The following NELL2 variants were observed in gnomAD, a reference collection of about 807,000 sequenced individuals.
NELL2 encodes neural EGFL like 2.
In NELL2, 41 loss-of-function variants were observed where a neutral mutation model predicts 109.6. The ratio of observed to expected loss-of-function variants is 0.37; its 90% CI spans 0.29 to 0.49. The LOEUF (loss-of-function observed/expected upper bound fraction) is 0.49, where lower values mean the gene tolerates loss of function less well. Ranked by LOEUF, NELL2 falls within the 20% of genes least tolerant of loss-of-function variation. The pLI, the probability that NELL2 is intolerant of heterozygous loss-of-function variation, is 0.98. For missense variants in NELL2, 900 were observed against 1,008.3 expected (o/e 0.89, Z 1.45); for synonymous variants, 355 against 344.7 (o/e 1.03, Z -0.33).
intron 3 of NELL2, among the ~76,000 whole-genome samples, chr12:44,784,106 T>C (rs1942071631): frequency 2.0e-5 from 3 of 152,056 alleles, no homozygotes; most frequent in South Asian, 4.1e-4. Flanking sequence ...TTTGACAAAA[T>C]TCAGCACCAA....
chr12:44,636,675 T>C (rs1272132862), intron 13 of NELL2, among the ~76,000 whole-genome samples: 1 of 152,146 alleles, frequency 6.6e-6, no homozygotes, highest in Non-Finnish European at 1.5e-5. Context: ...TGCTGCTGGA[T>C]TTGTTTTGCC....
chr12:44,517,370 TTTCTCTCTC>T (rs1231655307), intron 19 of NELL2, among the ~76,000 whole-genome samples: 4 of 93,638 alleles, frequency 4.3e-5, no homozygotes, highest in Non-Finnish European at 8.6e-5. Context: ...CACCAACTAC[TTTCTCTCTC>T]TCTCTCTCTC....
At chr12:44,777,673 C>T (rs1428929052) in intron 5 of NELL2, among the ~76,000 whole-genome samples, 3 of 152,092 alleles carry the variant, frequency 2.0e-5, no homozygotes, top group Non-Finnish European at 4.4e-5. Flanking sequence ...CTAGCTTCAG[C>T]AACTCTGAAA....
Position 44,680,789 on chromosome 12 carries a change from T to C in NELL2, c.1319-15180A>G, listed in dbSNP as rs1035548011. On this transcript the variant is annotated intron_variant, in intron 12 of 19. Coordinates refer to ENST00000429094, the MANE Select transcript of NELL2 (RefSeq NM_001145108.2). Reference sequence around the variant, plus strand: ...TCTCTCACATTCATTTAACTTGTACTTACCTGCTTCCCCCAAATCGCAGTT... The same window carrying C: ...TCTCTCACATTCATTTAACTTGTACCTACCTGCTTCCCCCAAATCGCAGTT... Among the ~76,000 whole-genome samples the C allele has an allele frequency of 2.0e-5, 3 of 152,154 alleles. 1 individual carries two copies. Among genetic ancestry groups the C allele is most frequent in the Admixed American group, 2.0e-4 (3 of 15,272 alleles).
At chr12:44,749,416 G>A (rs2136522897) in intron 9 of NELL2, among the ~76,000 whole-genome samples, 1 of 151,812 alleles carries the variant, frequency 6.6e-6, no homozygotes, top group East Asian at 1.9e-4. Context: ...ATATACTTTT[G>A]GCCATTTTCC....
chr12:44,816,821 C>A (rs1202865962), intron 2 of NELL2, among the ~76,000 whole-genome samples: 1 of 152,158 alleles, frequency 6.6e-6, no homozygotes, highest in Non-Finnish European at 1.5e-5. Context: ...AAACTTTTAT[C>A]CTGAACTTCC....
At chr12:44,623,127 C>T (rs1486900538) in intron 13 of NELL2, among the ~76,000 whole-genome samples, 2 of 151,976 alleles carry the variant, frequency 1.3e-5, no homozygotes, top group Non-Finnish European at 1.5e-5. Flanking sequence ...GAGTTGTGGT[C>T]GTTACAAGAT....
chr12:44,532,580 C>G lies in NELL2; in HGVS notation c.1804+1G>C. ...ATTCTAGGTCTTCTCCTTGTACTGA[C>G]CTTCACACGATTCTCCACTTGGTGA... On this transcript the variant is annotated splice_donor_variant, in intron 16 of 19. Transcript: ENST00000429094. LOFTEE classifies it high-confidence loss of function. 1 of 1,613,022 alleles carries G rather than the reference C, an allele frequency of 6.2e-7. No individual in the cohort carries two copies. Among genetic ancestry groups the G allele is most frequent in the Non-Finnish European group, 8.5e-7 (1 of 1,179,396 alleles).
At chr12:44,711,166 G>A (rs1938177229) in intron 11 of NELL2, 126 bp downstream of exon 11, 2 of 660,674 alleles carry the variant, frequency 3.0e-6, no homozygotes, top group African/African-American at 1.8e-5. Context: ...AATTAGGAGA[G>A]CATATAGGGA....
At chr12:44,686,050 C>T (rs895413524) in intron 12 of NELL2, among the ~76,000 whole-genome samples, 1 of 152,222 alleles carries the variant, frequency 6.6e-6, no homozygotes, top group Non-Finnish European at 1.5e-5. Context: ...CTTTCAGGTA[C>T]ACCAATCAGA....
intron 9 of NELL2, among the ~76,000 whole-genome samples, chr12:44,772,159 A>G (rs1206480614): frequency 2.0e-5 from 3 of 152,234 alleles, no homozygotes; most frequent in Non-Finnish European, 4.4e-5. Context: ...TAAAAAACAT[A>G]GGAATTTACT....
At chr12:44,848,069 C>T (rs1171996683) in intron 2 of NELL2, among the ~76,000 whole-genome samples, 1 of 151,316 alleles carries the variant, frequency 6.6e-6, no homozygotes, top group Non-Finnish European at 1.5e-5. Context: ...GACTCTTGCC[C>T]ACTTCCTGTT....
At chr12:44,729,128 T>C (rs549364866) in intron 9 of NELL2, among the ~76,000 whole-genome samples, 1 of 152,204 alleles carries the variant, frequency 6.6e-6, no homozygotes, top group Non-Finnish European at 1.5e-5. Flanking sequence ...TTAATTCTGG[T>C]ATATAACTTA....
chr12:44,793,662 G>C (rs1942513683), intron 3 of NELL2, among the ~76,000 whole-genome samples: 4 of 152,034 alleles, frequency 2.6e-5, no homozygotes, highest in South Asian at 2.1e-4. Context: ...AATTCACTCA[G>C]GTTTTTTAAA....
At chr12:44,567,659 T>C (rs1943711653) in intron 15 of NELL2, among the ~76,000 whole-genome samples, 1 of 152,162 alleles carries the variant, frequency 6.6e-6, no homozygotes, top group African/African-American at 2.4e-5. Flanking sequence ...TATGACACTA[T>C]TCATATTACT....
At chr12:44,534,339 T>A (rs970783634) in intron 15 of NELL2, among the ~76,000 whole-genome samples, 9 of 152,154 alleles carry the variant, frequency 5.9e-5, no homozygotes, top group African/African-American at 2.2e-4. Context: ...TATTTTATAT[T>A]GCTGTAATAT....
chr12:44,565,028 C>A (rs1183991911), intron 15 of NELL2, among the ~76,000 whole-genome samples: 2 of 152,134 alleles, frequency 1.3e-5, no homozygotes, highest in African/African-American at 4.8e-5. Flanking sequence ...TATTTTTAAT[C>A]TTTTTCCTAG....
chr12:44,905,535 C>T (rs1945710047), intron 1 of NELL2, among the ~76,000 whole-genome samples: 1 of 151,920 alleles, frequency 6.6e-6, no homozygotes. Context: ...TCACAATGAT[C>T]CAGCAAAAAC....
intron 1 of NELL2, among the ~76,000 whole-genome samples, chr12:44,892,971 A>AATTCACATACCAAAGAAACTGTG (rs1945552991): frequency 6.6e-6 from 1 of 152,172 alleles, no homozygotes; most frequent in South Asian, 2.1e-4. Context: ...CTCATTTGGA[A>AATTCACATACCAAAGAAACTGTG]ATTCACATAC....
Sources: gnomAD v4.1 joint callset for allele counts (sites outside exome capture counted in the v4.1 genomes callset) on GRCh38, gnomAD v4.1.1 for gene constraint, MANE v1.5 for transcripts, NCBI Gene and HGNC (gene_info 2026-07-23, HGNC 2026-07-21) for gene names.